The following NSMCE2 variants were observed in gnomAD, a reference collection of about 807,000 sequenced individuals.
The protein encoded by NSMCE2 is NSE2 SUMO ligase component of SMC5/6 complex, also known as E3 SUMO-protein ligase NSE2.
NSMCE2 carries 24 observed loss-of-function variants against 23.8 expected under a neutral mutation model. The observed-to-expected ratio is 1.01, with a 90% CI of 0.73 to 1.42. The LOEUF is 1.42. Ranked by LOEUF, NSMCE2 falls within the 40% of genes most tolerant of loss-of-function variation. NSMCE2 has a pLI of 0.00. For missense variants in NSMCE2, 284 were observed against 296.5 expected (o/e 0.96, Z 0.31); for synonymous variants, 92 against 94.1 (o/e 0.98, Z 0.13).
chr8:125,259,290 G>C (rs1826577406), intron 5 of NSMCE2, among the ~76,000 whole-genome samples: 1 of 152,162 alleles, frequency 6.6e-6, no homozygotes, highest in African/African-American at 2.4e-5. Flanking sequence ...TAGAGCAGGA[G>C]TCCCCAGTCG....
chr8:125,100,902 A>G (rs1019953529), intron 1 of NSMCE2, among the ~76,000 whole-genome samples: 7 of 152,188 alleles, frequency 4.6e-5, no homozygotes, highest in Non-Finnish European at 7.4e-5. Flanking sequence ...TGCCTGGCTC[A>G]TGATAGGTTT....
At chr8:125,167,166 T>C (rs1224834475) in intron 4 of NSMCE2, among the ~76,000 whole-genome samples, 2 of 152,220 alleles carry the variant, frequency 1.3e-5, no homozygotes, top group Admixed American at 1.3e-4. Flanking sequence ...AAGATGGCTC[T>C]TTACCACCAG....
chr8:125,124,720 C>A (rs1819431514), intron 3 of NSMCE2, among the ~76,000 whole-genome samples: 1 of 152,108 alleles, frequency 6.6e-6, no homozygotes, highest in Admixed American at 6.6e-5. Context: ...TCAAGCGATC[C>A]TCCTGCCTTG....
At chr8:125,242,075 T>A (rs10087220) in intron 5 of NSMCE2, among the ~76,000 whole-genome samples, 3,721 of 152,144 alleles carry the variant, frequency 0.024, 142 homozygotes, top group African/African-American at 0.085. Context: ...CTGTGTCTAA[T>A]GGAAGTGTAT....
At chr8:125,332,433 C>T (rs1050996462) in intron 5 of NSMCE2, among the ~76,000 whole-genome samples, 13 of 152,152 alleles carry the variant, frequency 8.5e-5, no homozygotes, top group African/African-American at 3.1e-4. Flanking sequence ...CTTCAGTTTT[C>T]ATTCAAATGT....
chr8:125,209,257 G>A (rs1824234550), intron 5 of NSMCE2, among the ~76,000 whole-genome samples: 1 of 152,172 alleles, frequency 6.6e-6, no homozygotes, highest in African/African-American at 2.4e-5. Context: ...AACAAATAAT[G>A]TGTATCTCTG....
At chr8:125,097,053 G>T (rs567725927) in intron 1 of NSMCE2, among the ~76,000 whole-genome samples, 18 of 152,214 alleles carry the variant, frequency 1.2e-4, no homozygotes, top group African/African-American at 4.3e-4. Flanking sequence ...TTTATATTGT[G>T]TAAAATGTCT....
chr8:125,348,458 C>T (rs935294900), intron 5 of NSMCE2: 3 of 152,176 alleles, frequency 2.0e-5, no homozygotes, highest in Non-Finnish European at 4.4e-5. Context: ...TCACATACAG[C>T]AGAGTCTTAG....
At chr8:125,193,092 A>C (rs1823435625) in intron 5 of NSMCE2, among the ~76,000 whole-genome samples, 1 of 152,256 alleles carries the variant, frequency 6.6e-6, no homozygotes, top group Admixed American at 6.5e-5. Context: ...ATCATTAAAA[A>C]TGATGTGAGG....
intron 5 of NSMCE2, among the ~76,000 whole-genome samples, chr8:125,346,553 C>A (rs1830441645): frequency 6.6e-6 from 1 of 152,146 alleles, no homozygotes; most frequent in Admixed American, 6.5e-5. Context: ...ATCAGACTTT[C>A]CCTATTATTT....
intron 5 of NSMCE2, among the ~76,000 whole-genome samples, chr8:125,191,401 A>G (rs2130828126): frequency 6.6e-6 from 1 of 152,054 alleles, no homozygotes; most frequent in African/African-American, 2.4e-5. Flanking sequence ...CATACCATTC[A>G]TTTCTTGGAA....
intron 1 of NSMCE2, among the ~76,000 whole-genome samples, chr8:125,095,321 G>A (rs756103894): frequency 3.3e-5 from 5 of 152,136 alleles, no homozygotes; most frequent in East Asian, 1.9e-4. Flanking sequence ...TGATCATGGT[G>A]TCTCATGCCT....
chr8:125,113,070 G>A (rs1218524596), intron 3 of NSMCE2, among the ~76,000 whole-genome samples: 2 of 139,734 alleles, frequency 1.4e-5, no homozygotes, highest in African/African-American at 5.6e-5. Context: ...GGGGGGGGGT[G>A]AGTCAATACC....
intron 3 of NSMCE2, among the ~76,000 whole-genome samples, chr8:125,122,720 A>C (rs1436020492): frequency 3.3e-5 from 5 of 152,178 alleles, no homozygotes; most frequent in African/African-American, 9.6e-5. Flanking sequence ...TCTAAACAGC[A>C]GAGCACTTCT....
chr8:125,174,526 T>C (rs1045102879), intron 4 of NSMCE2, among the ~76,000 whole-genome samples: 2 of 152,228 alleles, frequency 1.3e-5, no homozygotes, highest in Admixed American at 6.5e-5. Flanking sequence ...GAGTAATTTT[T>C]AACAGCCTAA....
intron 5 of NSMCE2, among the ~76,000 whole-genome samples, chr8:125,269,940 G>A (rs1251467640): frequency 2.0e-5 from 3 of 152,202 alleles, no homozygotes; most frequent in Non-Finnish European, 4.4e-5. Flanking sequence ...GATTACGTAT[G>A]TACTTTATGC....
At chr8:125,151,376 C>T (rs1310045590) in intron 4 of NSMCE2, 99 bp downstream of exon 4, 2 of 607,676 alleles carry the variant, frequency 3.3e-6, no homozygotes, top group Non-Finnish European at 6.0e-6. Flanking sequence ...TTTAATGTTT[C>T]CTTATCCTTA....
At chr8:125,148,909 G>A (rs1820829411) in intron 3 of NSMCE2, among the ~76,000 whole-genome samples, 2 of 152,166 alleles carry the variant, frequency 1.3e-5, no homozygotes, top group Admixed American at 1.3e-4. Context: ...ATTACATTAG[G>A]ATGTAAGTTG....
chr8:125,271,143 C>A (rs1327258935), intron 5 of NSMCE2, among the ~76,000 whole-genome samples: 1 of 151,928 alleles, frequency 6.6e-6, no homozygotes, highest in Non-Finnish European at 1.5e-5. Context: ...CACCTATAAT[C>A]CCAGCTACTC....
Sources: allele counts gnomAD v4.1 joint callset (sites outside exome capture counted in the v4.1 genomes callset), GRCh38; gene constraint gnomAD v4.1.1; transcripts MANE v1.5; gene names NCBI Gene and HGNC (gene_info 2026-07-23, HGNC 2026-07-21).